The following VTI1A variants were observed in gnomAD, a reference collection of about 807,000 sequenced individuals.
The protein encoded by VTI1A is vesicle transport through interaction with t-SNAREs homolog 1A.
A neutral mutation model predicts 34.9 loss-of-function variants in VTI1A; 22 were observed. That is an observed-to-expected ratio of 0.63 (90% CI 0.45 to 0.90). The LOEUF (loss-of-function observed/expected upper bound fraction) is 0.90, where lower values mean the gene tolerates loss of function less well. Among genes scored for constraint, VTI1A ranks in the 40% least tolerant of loss-of-function variants. VTI1A has a pLI of 0.00. For synonymous variants in VTI1A, 87 were observed against 97.3 expected (o/e 0.89, Z 0.62); for missense variants, 268 against 275.6 (o/e 0.97, Z 0.20).
the VTI1A span, among the ~76,000 whole-genome samples, chr10:112,828,871 C>A: frequency 2.0e-5 from 3 of 150,444 alleles, no homozygotes; most frequent in East Asian, 5.9e-4. Flanking sequence ...AAAAACAAAC[C>A]ACACACACAT....
intron 5 of VTI1A, among the ~76,000 whole-genome samples, chr10:112,635,951 A>T (rs921003047): frequency 2.0e-5 from 3 of 152,248 alleles, no homozygotes; most frequent in African/African-American, 2.4e-5. Flanking sequence ...CAGATTAAGC[A>T]TAGAAACAGA....
chr10:112,495,755 C>T (rs1463475933), intron 3 of VTI1A, among the ~76,000 whole-genome samples: 4 of 152,036 alleles, frequency 2.6e-5, no homozygotes, highest in African/African-American at 7.2e-5. Flanking sequence ...AGAGAGTTCT[C>T]GACCAAGCTC....
chr10:112,649,898 C>T (rs1430000107), intron 5 of VTI1A, among the ~76,000 whole-genome samples: 1 of 152,166 alleles, frequency 6.6e-6, no homozygotes, highest in Non-Finnish European at 1.5e-5. Flanking sequence ...ACGGGACACT[C>T]ACCATGAATA....
chr10:112,524,661 C>A (rs1850155138), intron 3 of VTI1A, among the ~76,000 whole-genome samples: 1 of 152,124 alleles, frequency 6.6e-6, no homozygotes, highest in African/African-American at 2.4e-5. Flanking sequence ...TTATAATTTT[C>A]TCCTTTTGAA....
chr10:112,756,012 T>G (rs1055681543), intron 7 of VTI1A, among the ~76,000 whole-genome samples: 59 of 151,970 alleles, frequency 3.9e-4, no homozygotes, highest in Admixed American at 2.0e-4. Context: ...CCACCCTCCT[T>G]TCAAAGATAC....
intron 7 of VTI1A, among the ~76,000 whole-genome samples, chr10:112,684,216 T>C (rs1348992775): frequency 6.6e-6 from 1 of 152,204 alleles, no homozygotes; most frequent in Non-Finnish European, 1.5e-5. Context: ...ATCCTATTAT[T>C]TGCATTAAGA....
At chr10:112,572,504 C>A (rs1043031214) in intron 5 of VTI1A, among the ~76,000 whole-genome samples, 1 of 152,074 alleles carries the variant, frequency 6.6e-6, no homozygotes, top group African/African-American at 2.4e-5. Flanking sequence ...ATTAAACAAT[C>A]AAAAATGGCT....
rs766419906 is a variant in VTI1A at position 112,625,640 on chromosome 10, C to CAAAAAAAAA, written c.428-42574_428-42566dup. Among the ~76,000 whole-genome samples, 42 of 82,582 alleles carry CAAAAAAAAA rather than the reference C, an allele frequency of 5.1e-4. 2 individuals are homozygous for CAAAAAAAAA. The highest frequency in any genetic ancestry group is 2.1e-3 in the African/African-American group (32 of 15,384). The allele number at this position is 82,582 out of a possible 152,430, so 54.2% of individuals were successfully genotyped here. A position where few individuals can be genotyped will look rare whatever the true frequency, so the allele number is the denominator to read the frequency against. On this transcript the variant is annotated intron_variant, in intron 5 of 7. Coordinates refer to ENST00000393077, the MANE Select transcript of VTI1A (RefSeq NM_145206.4). ...GGGCAACAAGAGTGAAACTCTGTCT[C>CAAAAAAAAA]AAAAAAAAAAAAGGAAAACCAAACA...
chr10:112,840,423 C>T, the VTI1A span, among the ~76,000 whole-genome samples: 1 of 152,206 alleles, frequency 6.6e-6, no homozygotes, highest in Admixed American at 6.5e-5. Context: ...GTCTCTGAGT[C>T]TCTGCCAAAA....
intron 7 of VTI1A, among the ~76,000 whole-genome samples, chr10:112,745,333 A>T (rs1036548361): frequency 2.0e-5 from 3 of 152,044 alleles, no homozygotes; most frequent in Non-Finnish European, 4.4e-5. Context: ...TCAAATGAAC[A>T]TATCTCTCAC....
chr10:112,657,243 A>G (rs1847263742), intron 5 of VTI1A, among the ~76,000 whole-genome samples: 1 of 152,324 alleles, frequency 6.6e-6, no homozygotes, highest in South Asian at 2.1e-4. Context: ...ATGTATGTGT[A>G]AGGCCTGTTC....
At chr10:112,448,892 T>C (rs1053280203) in intron 1 of VTI1A, 1 of 152,246 alleles carries the variant, frequency 6.6e-6, no homozygotes, top group Admixed American at 6.5e-5. Flanking sequence ...GGATATTTGC[T>C]TGAAGCCAGG....
At chr10:112,846,546 C>T in the VTI1A span, among the ~76,000 whole-genome samples, 5 of 152,130 alleles carry the variant, frequency 3.3e-5, no homozygotes, top group Non-Finnish European at 5.9e-5. Context: ...GCGGGCTGAT[C>T]AACAGGTCAG....
chr10:112,696,651 G>C (rs1848801435), intron 7 of VTI1A, among the ~76,000 whole-genome samples: 1 of 152,170 alleles, frequency 6.6e-6, no homozygotes, highest in South Asian at 2.1e-4. Context: ...TCCTTGGTCA[G>C]ATTCTGTTTT....
intron 5 of VTI1A, among the ~76,000 whole-genome samples, chr10:112,633,332 C>G (rs1006263718): frequency 6.6e-6 from 1 of 152,070 alleles, no homozygotes; most frequent in African/African-American, 2.4e-5. Context: ...GTGCTAAAAC[C>G]CTGTAGGTTG....
At chr10:112,588,747 G>C (rs1175403366) in intron 5 of VTI1A, among the ~76,000 whole-genome samples, 1 of 152,128 alleles carries the variant, frequency 6.6e-6, no homozygotes, top group Non-Finnish European at 1.5e-5. Flanking sequence ...TCATTGTGTG[G>C]GACTTTAATG....
rs1251637309 is a variant in VTI1A at position 112,816,632 on chromosome 10, T to A, written c.*1249T>A. ...TTAAAAGTTGCCCAAGCTGAGGTCG[T>A]TTCCCCCCAGTCACAAAGCAGAATG... On this transcript the variant is annotated 3_prime_UTR_variant, in exon 8 of 8. Coordinates refer to ENST00000393077, the MANE Select transcript of VTI1A (RefSeq NM_145206.4). The A allele has an allele frequency of 8.8e-6, 2 of 227,202 alleles. No individual in the cohort carries two copies. Among genetic ancestry groups the A allele is most frequent in the Non-Finnish European group, 8.7e-6 (1 of 114,326 alleles). 14.1% of individuals were successfully genotyped at this position (227,202 alleles called of 1,614,324 possible). A position where few individuals can be genotyped will look rare whatever the true frequency, so the allele number is the denominator to read the frequency against.
chr10:112,567,037 T>C (rs1425273452), intron 5 of VTI1A, among the ~76,000 whole-genome samples: 3 of 152,106 alleles, frequency 2.0e-5, no homozygotes, highest in Admixed American at 6.5e-5. Context: ...GATGCTATAA[T>C]GTAATTTATT....
chr10:112,786,004 C>G (rs908338482), intron 7 of VTI1A, among the ~76,000 whole-genome samples: 1 of 150,054 alleles, frequency 6.7e-6, no homozygotes, highest in Non-Finnish European at 1.5e-5. Flanking sequence ...ATTTTCACCG[C>G]CCCCCCAAAA....
Sources: allele counts gnomAD v4.1 joint callset (sites outside exome capture counted in the v4.1 genomes callset), GRCh38; gene constraint gnomAD v4.1.1; transcripts MANE v1.5; gene names NCBI Gene and HGNC (gene_info 2026-07-23, HGNC 2026-07-21).